The following DOCK8 variants were observed in gnomAD, a reference collection of about 807,000 sequenced individuals.
DOCK8 encodes dedicator of cytokinesis protein 8.
Under a neutral mutation model 245.6 loss-of-function variants are expected in DOCK8, and 141 were observed. That is an observed-to-expected ratio of 0.57 (90% CI 0.50 to 0.66). The LOEUF (loss-of-function observed/expected upper bound fraction) is 0.66. Ranked by LOEUF, DOCK8 falls within the 30% of genes least tolerant of loss-of-function variation. The probability of loss-of-function intolerance (pLI) is 0.00; values close to 1 mark genes in which losing one functional copy is unlikely to be tolerated. For missense variants in DOCK8, 2,965 were observed against 2,603.4 expected (o/e 1.14, Z -3.02); for synonymous variants, 1,168 against 970.2 (o/e 1.20, Z -3.79).
rs111836122 is a variant in DOCK8, at chr9:242,924, C to A, written c.53+27895C>A. Among the ~76,000 whole-genome samples, 6 of 152,172 alleles carry A rather than the reference C, an allele frequency of 3.9e-5. 1 individual carries two copies. Among genetic ancestry groups the A allele is most frequent in the African/African-American group, 1.2e-4 (5 of 41,522 alleles). ...CACTCTAAACAGTACCAGAGGTAGC[C>A]TTACAGCATCAGAAAATCCTGTGGT... On this transcript the variant is annotated intron_variant, in intron 1 of 47. Coordinates refer to ENST00000432829, the MANE Select transcript of DOCK8 (RefSeq NM_203447.4).
chr9:269,133 G>T (rs1309048961), intron 1 of DOCK8, among the ~76,000 whole-genome samples: 1 of 152,116 alleles, frequency 6.6e-6, no homozygotes, highest in Non-Finnish European at 1.5e-5. Context: ...TGTATTCACA[G>T]TCATCACTAC....
chr9:251,480 A>G (rs1211963593), intron 1 of DOCK8, among the ~76,000 whole-genome samples: 1 of 152,196 alleles, frequency 6.6e-6, no homozygotes, highest in Non-Finnish European at 1.5e-5. Flanking sequence ...AAAGCTTAGT[A>G]TCCTTTCTTC....
At chr9:372,151 A>C (rs1200753092) in intron 17 of DOCK8, 34 bp from the exon 18 acceptor site, 2 of 1,568,632 alleles carry the variant, frequency 1.3e-6, no homozygotes, top group Admixed American at 3.3e-5. Flanking sequence ...TGCTGTAATA[A>C]ATACCACTTT....
At chr9:248,880 C>G (rs2047578856) in intron 1 of DOCK8, among the ~76,000 whole-genome samples, 1 of 152,164 alleles carries the variant, frequency 6.6e-6, no homozygotes, top group African/African-American at 2.4e-5. Context: ...CCAGAAACAT[C>G]ATAATCTTAA....
intron 40 of DOCK8, among the ~76,000 whole-genome samples, chr9:440,472 TTTTA>T (rs1283481325): frequency 6.6e-6 from 1 of 152,230 alleles, no homozygotes; most frequent in Non-Finnish European, 1.5e-5. Flanking sequence ...CTCTCTACAA[TTTTA>T]TTTATTTTAA....
intron 2 of DOCK8, among the ~76,000 whole-genome samples, chr9:283,267 C>T (rs1006943299): frequency 2.0e-5 from 3 of 152,252 alleles, no homozygotes; most frequent in Middle Eastern, 3.4e-3. Context: ...ATCCCTAGTC[C>T]GAAAATGCAA....
At chr9:229,750 T>C (rs79184683) in intron 1 of DOCK8, among the ~76,000 whole-genome samples, 22,298 of 152,004 alleles carry the variant, frequency 0.15, 1,970 homozygotes, top group East Asian at 0.4. Context: ...ATCTGAAAGA[T>C]AGGTGCTGTG....
intron 2 of DOCK8, among the ~76,000 whole-genome samples, chr9:285,219 C>T (rs1043159495): frequency 6.6e-6 from 1 of 152,098 alleles, no homozygotes; most frequent in African/African-American, 2.4e-5. Flanking sequence ...GGGGAGGGGA[C>T]GAGGCCTGCC....
At chr9:345,941 G>A (rs562737121) in intron 14 of DOCK8, among the ~76,000 whole-genome samples, 5 of 151,994 alleles carry the variant, frequency 3.3e-5, no homozygotes, top group Non-Finnish European at 7.4e-5. Flanking sequence ...ATAAATCCTT[G>A]CTCTAACGAT....
intron 1 of DOCK8, among the ~76,000 whole-genome samples, chr9:229,403 G>C (rs1468131089): frequency 6.6e-6 from 1 of 152,170 alleles, no homozygotes; most frequent in African/African-American, 2.4e-5. Flanking sequence ...GCTAAACATA[G>C]TCCTGCCTGG....
intron 4 of DOCK8, among the ~76,000 whole-genome samples, chr9:296,682 T>C (rs185190474): frequency 1.3e-5 from 2 of 152,380 alleles, no homozygotes; most frequent in East Asian, 1.9e-4. Flanking sequence ...CAATAATTGC[T>C]TATTATGACA....
chr9:229,422 A>G (rs1346987674), intron 1 of DOCK8, among the ~76,000 whole-genome samples: 6 of 152,206 alleles, frequency 3.9e-5, no homozygotes, highest in African/African-American at 1.2e-4. Flanking sequence ...GGAGGCAGGT[A>G]TATGAACTTA....
chr9:370,335 G>A lies in DOCK8; in HGVS notation c.1868+35G>A, dbSNP rs781303412. 8 of 1,592,852 alleles carry A rather than the reference G, an allele frequency of 5.0e-6. No homozygotes were observed. The Admixed American group carries it at 1.2e-4, about 23-fold the overall frequency. On this transcript the variant is annotated intron_variant, in intron 16 of 47. Coordinates refer to ENST00000432829, the MANE Select transcript of DOCK8 (RefSeq NM_203447.4). Reference sequence around the variant, plus strand: ...TTTCAGCATTCTAAATATATGCCAAGATGGTTTCATCATCTCCTGGTTTTT... The same window carrying A: ...TTTCAGCATTCTAAATATATGCCAAAATGGTTTCATCATCTCCTGGTTTTT...
intron 1 of DOCK8, among the ~76,000 whole-genome samples, chr9:262,428 C>G (rs1215021923): frequency 8.7e-6 from 1 of 114,788 alleles, no homozygotes; most frequent in Non-Finnish European, 1.9e-5. Context: ...CTCAAATGTC[C>G]ATAGACAGAT....
At chr9:315,981 G>T (rs549300131) in intron 6 of DOCK8, among the ~76,000 whole-genome samples, 1 of 152,222 alleles carries the variant, frequency 6.6e-6, no homozygotes, top group South Asian at 2.1e-4. Context: ...TGTCTCCTCT[G>T]AAATAAACTC....
chr9:375,772 A>G lies in DOCK8; in HGVS notation c.2110-438A>G, dbSNP rs188159959. On this transcript the variant is annotated intron_variant, in intron 18 of 47. Transcript: ENST00000432829. ...AACATTTTGGGAGGCTGAAGTGGGC[A>G]GATCACTTGAGCCCAGAAGTTTGAG... Among the ~76,000 whole-genome samples, 1,127 of 152,316 alleles carry G rather than the reference A, an allele frequency of 7.4e-3. 6 individuals are homozygous for G. The highest frequency in any genetic ancestry group is 9.3e-3 in the Non-Finnish European group (634 of 68,024).
chr9:400,055 C>CCAG (rs2054719842), intron 26 of DOCK8, among the ~76,000 whole-genome samples: 10 of 108,392 alleles, frequency 9.2e-5, no homozygotes, highest in African/African-American at 3.2e-4. Flanking sequence ...TCCACCATCA[C>CCAG]CACCTCCTTC....
intron 5 of DOCK8, among the ~76,000 whole-genome samples, chr9:305,781 C>A (rs1272440827): frequency 6.6e-6 from 1 of 152,110 alleles, no homozygotes; most frequent in Non-Finnish European, 1.5e-5. Context: ...GGCCAAAGAA[C>A]AATAGCCAAA....
At chr9:442,031 G>T (rs376233769) in intron 42 of DOCK8, 22 bp downstream of exon 42, 1 of 1,613,190 alleles carries the variant, frequency 6.2e-7, no homozygotes, top group Non-Finnish European at 8.5e-7. Flanking sequence ...GATTCTGTGC[G>T]CCTGACCTGG....
Sources: gnomAD v4.1 joint callset for allele counts (sites outside exome capture counted in the v4.1 genomes callset) on GRCh38, gnomAD v4.1.1 for gene constraint, MANE v1.5 for transcripts, NCBI Gene and HGNC (gene_info 2026-07-23, HGNC 2026-07-21) for gene names.